Variants in FOXP3 observed in about 807,000 individuals in gnomAD.
FOXP3 encodes the protein forkhead box P3.
In FOXP3, 5 loss-of-function variants were observed where a neutral mutation model predicts 31.2. The observed-to-expected ratio is 0.16, with a 90% confidence interval of 0.08 to 0.34. The LOEUF (loss-of-function observed/expected upper bound fraction) is 0.34, where lower values mean the gene tolerates loss of function less well. Among genes scored for constraint, FOXP3 ranks in the 10% least tolerant of loss-of-function variants. FOXP3 has a pLI of 1.00. For synonymous variants in FOXP3, 141 were observed against 148.8 expected (o/e 0.95, Z 0.38); for missense variants, 251 against 363.0 (o/e 0.69, Z 2.51).
In FOXP3 at chrX:49,256,651, T is replaced by C. The variant is rs781841072; in HGVS notation, c.647+100A>G. ...ACAGTCTCAGAGTTTAGCTCTTGCA[T>C]CTTACTACTTATTGGGATGAAGCCT... On this transcript the variant is annotated intron_variant, in intron 6 of 11. Transcript: ENST00000376207. The C allele has an allele frequency of 9.1e-4, 627 of 689,115 alleles. 4 individuals carry two copies. The highest frequency in any genetic ancestry group is 5.6e-4 in the Admixed American group (23 of 41,136). The allele number at this position is 689,115 out of a possible 1,213,427, so 56.8% of individuals were successfully genotyped here.
At chrX:49,253,260 T>G in intron 9 of FOXP3, 58 bp from the exon 10 acceptor site, 1 of 996,256 alleles carries the variant, frequency 1.0e-6, no homozygotes. Context: ...TAGCTCCCTG[T>G]CCCCTCCCCC....
chrX:49,264,618 C>A (rs1557117588), intron 1 of FOXP3, 43 bp downstream of exon 1: 2 of 740,226 alleles, frequency 2.7e-6, no homozygotes, highest in Non-Finnish European at 3.2e-6. Context: ...GCCATCTCCT[C>A]CAATGGGGCC....
chrX:49,253,353 A>G, intron 9 of FOXP3, 151 bp from the exon 10 acceptor site: 3 of 481,195 alleles, frequency 6.2e-6, no homozygotes, highest in East Asian at 7.5e-5. Flanking sequence ...AGCACCTGAC[A>G]TAAGTTGTAT....
At chrX:49,257,333 G>A in intron 4 of FOXP3, 94 bp downstream of exon 4, 1 of 1,063,679 alleles carries the variant, frequency 9.4e-7, no homozygotes, top group Non-Finnish European at 1.2e-6. Context: ...GACCCCCAGA[G>A]TACTGCAATT....
chrX:49,263,342 G>T (rs1392638020), intron 1 of FOXP3, among the ~76,000 whole-genome samples: 1 of 111,873 alleles, frequency 8.9e-6, no homozygotes, highest in Admixed American at 9.5e-5. Context: ...CATAAAATAG[G>T]ACAACCTTTT....
chrX:49,253,234 T>C (rs782092269), intron 9 of FOXP3, 32 bp from the exon 10 acceptor site: 17 of 1,138,666 alleles, frequency 1.5e-5, no homozygotes, highest in Non-Finnish European at 1.2e-6. Flanking sequence ...TCAAGCCCCA[T>C]GCAGGACCTC....
rs1276279603 is a variant in FOXP3 at position 49,251,074 on chromosome X, C to T, written c.*260G>A. The stretch of plus-strand genomic sequence containing the variant: ...GAAGGCTCTGTTTGGCTGCAGGGCT[C>T]GACTGGGGGGTGTGTCTGGGGCGGA... On this transcript the variant is annotated 3_prime_UTR_variant, in exon 12 of 12. Transcript: ENST00000376207. 8.0e-5 allele frequency: 31 copies of T among 387,431 alleles called. No individual in the cohort carries two copies. The highest frequency in any genetic ancestry group is 1.2e-4 in the Non-Finnish European group (28 of 229,743). The allele number at this position is 387,431 out of a possible 1,213,427, so 31.9% of individuals were successfully genotyped here. A position where few individuals can be genotyped will look rare whatever the true frequency, so the allele number is the denominator to read the frequency against.
rs1424457021 is a variant in FOXP3 at position 49,250,708 on chromosome X, G to A, written c.*626C>T. 4.6e-5 allele frequency: 12 copies of A among 260,339 alleles called. No individual in the cohort carries two copies. Among genetic ancestry groups the A allele is most frequent in the Non-Finnish European group, 7.9e-5 (11 of 139,569 alleles). The allele number at this position is 260,339 out of a possible 1,213,427, so 21.5% of individuals were successfully genotyped here. A position where few individuals can be genotyped will look rare whatever the true frequency, so the allele number is the denominator to read the frequency against. On this transcript the variant is annotated 3_prime_UTR_variant, in exon 12 of 12. Coordinates refer to ENST00000376207, the MANE Select transcript of FOXP3 (RefSeq NM_014009.4). ...ACAGGTGAATTCTAACAGGCCGTGT[G>A]TGTGAGCGAGCACGTGTTGGGACCT...
At position 49,251,027 on chromosome X, in the gene FOXP3, CAGGCTCTGTGTGGCTGGTTGTGA is replaced by C. The variant is rs2066026198; in HGVS notation, c.*284_*306del. ...AAGTAATCTGTGCGAGCAGCTGAGGCAGGCTCTGTGTGGCTGGTTGTGAAGGCTCTGTTTGGCTGCAGGGCTCG... is the reference window on the plus strand; with the variant it reads ...AAGTAATCTGTGCGAGCAGCTGAGGCAGGCTCTGTTTGGCTGCAGGGCTCG... On this transcript the variant is annotated 3_prime_UTR_variant, in exon 12 of 12. Transcript: ENST00000376207. 5.3e-6 allele frequency: 2 copies of C among 380,682 alleles called. No individual in the cohort carries two copies. The highest frequency in any genetic ancestry group is 5.4e-5 in the African/African-American group (2 of 37,030). The allele number at this position is 380,682 out of a possible 1,213,427, so 31.4% of individuals were successfully genotyped here. A position where few individuals can be genotyped will look rare whatever the true frequency, so the allele number is the denominator to read the frequency against.
chrX:49,251,728 T>C lies in FOXP3; in HGVS notation c.1082A>G (p.Asn361Ser), dbSNP rs1557115608. 4 of 1,200,809 alleles carry C rather than the reference T, an allele frequency of 3.3e-6. No individual in the cohort carries two copies. Among genetic ancestry groups the C allele is most frequent in the East Asian group, 3.0e-5 (1 of 33,810 alleles). Residue 361 changes from asparagine to serine, a missense_variant, in exon 11 of 12, where the codon AAT (asparagine) becomes AGT (serine). By Grantham distance (46) the Asn-to-Ser change is conservative. This residue lies in a region of FOXP3 where 36 missense variants were observed against 88.1 expected (regional missense o/e 0.41). Coordinates refer to ENST00000376207, the MANE Select transcript of FOXP3 (RefSeq NM_014009.4). The part of the protein sequence containing the change: ...LEAPEKQRTL[N>S]EIYHWFTRMF... Reference sequence around the variant, plus strand: ...GCGTGTGAACCAGTGGTAGATCTCATTGAGTGTCCGCTGCTTCTCTGGAGC... The same window carrying C: ...GCGTGTGAACCAGTGGTAGATCTCACTGAGTGTCCGCTGCTTCTCTGGAGC...
At chrX:49,260,694 T>C (rs782405910) in intron 1 of FOXP3, among the ~76,000 whole-genome samples, 1 of 112,657 alleles carries the variant, frequency 8.9e-6, no homozygotes, top group East Asian at 2.8e-4. Flanking sequence ...AGAAGCTGAA[T>C]GGGGGATGTT....
rs1557115567 is a variant in FOXP3, at chrX:49,251,593, C to T, written c.1146+71G>A. 8.3e-7 allele frequency: 1 copy of T among 1,206,886 alleles called. No homozygotes were observed. The highest frequency in any genetic ancestry group is 1.1e-6 in the Non-Finnish European group (1 of 893,439). Reference sequence around the variant, plus strand: ...CCCAATGTGCCTATGAGCCCAGACCCAGGCCTGCCCACTTTGAGCTGCGAT... The same window carrying T: ...CCCAATGTGCCTATGAGCCCAGACCTAGGCCTGCCCACTTTGAGCTGCGAT... On this transcript the variant is annotated intron_variant, in intron 11 of 11. Coordinates refer to ENST00000376207, the MANE Select transcript of FOXP3 (RefSeq NM_014009.4).
At chrX:49,259,584 G>A (rs1557116947) in intron 1 of FOXP3, among the ~76,000 whole-genome samples, 2 of 110,689 alleles carry the variant, frequency 1.8e-5, no homozygotes. Context: ...CGCAAGACCT[G>A]CTCTTCTATT....
chrX:49,254,017 G>A lies in FOXP3; in HGVS notation c.867C>T (p.Gly289=). The A allele has an allele frequency of 8.3e-7, 1 of 1,208,435 alleles. No individual in the cohort carries two copies. The highest frequency in any genetic ancestry group is 1.8e-5 in the South Asian group (1 of 56,331). ...GGCCAGACCAGGCTGGGACGACAGG[G>A]CCTTGGCTGCCAGCAGCTACGATGC... ...SCCIVAAGSQ[G]PVVPAWSGPR... Residue 289 remains glycine (G), a synonymous_variant, in exon 9 of 12, where the codon GGC becomes GGT. Transcript: ENST00000376207.
chrX:49,255,303 G>A, intron 8 of FOXP3, 126 bp downstream of exon 8: 1 of 593,574 alleles, frequency 1.7e-6, no homozygotes, highest in East Asian at 3.6e-5. Context: ...GGCATGTTTG[G>A]AGCTGGGGAC....
intron 1 of FOXP3, among the ~76,000 whole-genome samples, chrX:49,259,474 C>T (rs1291550614): frequency 9.1e-6 from 1 of 109,986 alleles, no homozygotes; most frequent in Non-Finnish European, 1.9e-5. Context: ...CTACCCAGCC[C>T]CCATCAGAGT....
rs1199500555 is a variant in FOXP3 at position 49,251,064 on chromosome X, C to T, written c.*270G>A. ...GGCTGGTTGTGAAGGCTCTGTTTGG[C>T]TGCAGGGCTCGACTGGGGGGTGTGT... On this transcript the variant is annotated 3_prime_UTR_variant, in exon 12 of 12. Coordinates refer to ENST00000376207, the MANE Select transcript of FOXP3 (RefSeq NM_014009.4). 12 of 397,012 alleles carry T rather than the reference C, an allele frequency of 3.0e-5. No homozygotes were observed. The highest frequency in any genetic ancestry group is 5.2e-5 in the Non-Finnish European group (12 of 231,401). 32.7% of individuals were successfully genotyped at this position (397,012 alleles called of 1,213,427 possible).
chrX:49,260,011 C>T (rs2066100944), intron 1 of FOXP3, among the ~76,000 whole-genome samples: 1 of 110,934 alleles, frequency 9.0e-6, no homozygotes, highest in Non-Finnish European at 1.9e-5. Context: ...GGGTGGTTGT[C>T]AGAGCTGTGG....
intron 2 of FOXP3, 88 bp downstream of exon 2, chrX:49,258,208 C>A: frequency 1.3e-6 from 1 of 776,284 alleles, no homozygotes; most frequent in Non-Finnish European, 1.9e-6. Context: ...CAGCCAGCCC[C>A]CCTCCCGCCC....
Sources: gnomAD v4.1 joint callset for allele counts (sites outside exome capture counted in the v4.1 genomes callset) on GRCh38, gnomAD v4.1.1 for gene constraint, gnomAD v4.1.1 regional missense constraint, MANE v1.5 for transcripts, NCBI Gene and HGNC (gene_info 2026-07-23, HGNC 2026-07-21) for gene names.